CMC2: variants seen among roughly 807,000 people sequenced by gnomAD.
The protein encoded by CMC2 is C-X9-C motif containing 2.
A neutral mutation model predicts 7.5 loss-of-function variants in CMC2; 5 were observed. That is an observed-to-expected ratio of 0.66 (90% confidence interval 0.35 to 1.40). CMC2 has a LOEUF of 1.40. Ranked by LOEUF, CMC2 falls within the 40% of genes most tolerant of loss-of-function variation. CMC2 has a pLI of 0.04. For missense variants in CMC2, 115 were observed against 92.3 expected (o/e 1.25, Z -1.01); for synonymous variants, 37 against 31.4 (o/e 1.18, Z -0.60).
Position 80,981,798 on chromosome 16 carries a change from T to C in CMC2, c.153+8A>G. The C allele has an allele frequency of 4.4e-6, 7 of 1,585,788 alleles. No homozygotes were observed. The highest frequency in any genetic ancestry group is 6.1e-6 in the Non-Finnish European group (7 of 1,155,876). On this transcript the variant is annotated splice_region_variant and intron_variant, in intron 3 of 3. Coordinates refer to ENST00000219400, the MANE Select transcript of CMC2 (RefSeq NM_020188.5). ...TCAACCATATCCATCCTTTGACACT[T>C]TTCTTACCTCATTCTTCAGGCATTT...
chr16:80,994,708 G>T (rs1307611293), intron 2 of CMC2, among the ~76,000 whole-genome samples: 1 of 152,216 alleles, frequency 6.6e-6, no homozygotes, highest in African/African-American at 2.4e-5. Context: ...AGTGGTGATG[G>T]ACAGTGGTAG....
rs1290972940 is a variant in CMC2, at chr16:80,966,926, T to C, written c.*9167A>G. The C allele has an allele frequency of 6.6e-6, 1 of 152,234 alleles. No homozygotes were observed. The highest frequency in any genetic ancestry group is 1.5e-5 in the Non-Finnish European group (1 of 68,038). The allele number at this position is 152,234 out of a possible 1,614,324, so 9.4% of individuals were successfully genotyped here. ...AACTACTGTCCTATTCGTAGACATA[T>C]AGAGCCCGTCTTATTTTAATTACAT... On this transcript the variant is annotated 3_prime_UTR_variant, in exon 4 of 4. Transcript: ENST00000219400.
At chr16:80,984,898 G>A (rs1967404562) in intron 2 of CMC2, among the ~76,000 whole-genome samples, 1 of 152,172 alleles carries the variant, frequency 6.6e-6, no homozygotes, top group Non-Finnish European at 1.5e-5. Flanking sequence ...GTGCCCCAGA[G>A]AAATTGGTAG....
intron 2 of CMC2, among the ~76,000 whole-genome samples, chr16:80,987,197 TAAC>T (rs991085092): frequency 6.6e-6 from 1 of 152,120 alleles, no homozygotes; most frequent in Non-Finnish European, 1.5e-5. Context: ...AAAGGGACGC[TAAC>T]ACAAGATACC....
intron 3 of CMC2, among the ~76,000 whole-genome samples, chr16:80,979,548 G>A (rs1966952086): frequency 1.3e-5 from 2 of 151,820 alleles, no homozygotes; most frequent in Non-Finnish European, 2.9e-5. Flanking sequence ...AAAACAAATA[G>A]CCATACTGAA....
At chr16:80,984,918 C>G (rs541759002) in intron 2 of CMC2, among the ~76,000 whole-genome samples, 1 of 152,216 alleles carries the variant, frequency 6.6e-6, no homozygotes, top group South Asian at 2.1e-4. Context: ...GAAGAAATGC[C>G]CACAGGCTAC....
rs1912076044 is a variant in CMC2, at chr16:80,973,524, A to G, written c.*2569T>C. On this transcript the variant is annotated 3_prime_UTR_variant, in exon 4 of 4. Transcript: ENST00000219400. ...TGGTTTAACCATAACTATTCACCGA[A>G]TAACCAGAAAGATCTTTATAAAATA... The G allele has an allele frequency of 6.6e-6, 1 of 152,228 alleles. No homozygotes were observed. Among genetic ancestry groups the G allele is most frequent in the South Asian group, 2.1e-4 (1 of 4,834 alleles). 9.4% of individuals were successfully genotyped at this position (152,228 alleles called of 1,614,324 possible).
chr16:80,985,430 C>CT, intron 2 of CMC2, among the ~76,000 whole-genome samples: 1 of 152,132 alleles, frequency 6.6e-6, no homozygotes, highest in Non-Finnish European at 1.5e-5. Context: ...ATTCTTTTCG[C>CT]TTTTTTCTGG....
Position 80,975,479 on chromosome 16 carries a change from T to C in CMC2, c.*614A>G, listed in dbSNP as rs1186397832. On this transcript the variant is annotated 3_prime_UTR_variant, in exon 4 of 4. Coordinates refer to ENST00000219400, the MANE Select transcript of CMC2 (RefSeq NM_020188.5). The stretch of plus-strand genomic sequence containing the variant: ...AAATACAAAAACCAGCCAGGCATGG[T>C]AGCCTGCGCCTGTAGCCCCAGCTAC... 6.6e-6 allele frequency: 1 copy of C among 151,424 alleles called. No individual in the cohort carries two copies. Among genetic ancestry groups the C allele is most frequent in the East Asian group, 1.9e-4 (1 of 5,192 alleles). The allele number at this position is 151,424 out of a possible 1,614,324, so 9.4% of individuals were successfully genotyped here.
chr16:80,978,263 TG>T (rs1478614624), intron 3 of CMC2: 1 of 1,112,168 alleles, frequency 9.0e-7, no homozygotes, highest in Non-Finnish European at 1.1e-6. Context: ...TCTACTGGAT[TG>T]CCCCCAGCAA....
rs1567499674 is a variant in CMC2 at position 80,973,406 on chromosome 16, G to A, written c.*2687C>T. 1 of 152,138 alleles carries A rather than the reference G, an allele frequency of 6.6e-6. No homozygotes were observed. The highest frequency in any genetic ancestry group is 1.5e-5 in the Non-Finnish European group (1 of 68,034). 9.4% of individuals were successfully genotyped at this position (152,138 alleles called of 1,614,324 possible). A position where few individuals can be genotyped will look rare whatever the true frequency, so the allele number is the denominator to read the frequency against. On this transcript the variant is annotated 3_prime_UTR_variant, in exon 4 of 4. Coordinates refer to ENST00000219400, the MANE Select transcript of CMC2 (RefSeq NM_020188.5). ...CACTTGAGAGAAAAACAATATTGAG[G>A]GGGCCCTTACTTTGTGCCAGATAAT...
chr16:81,006,885 C>CCCCG, upstream of CMC2: 1 of 983,832 alleles, frequency 1.0e-6, no homozygotes, highest in African/African-American at 1.7e-5. Context: ...GCTCCCGGCT[C>CCCCG]CTCGCCCCCG....
In CMC2 at chr16:80,973,748, C is replaced by A. The variant is rs1303856026; in HGVS notation, c.*2345G>T. On this transcript the variant is annotated 3_prime_UTR_variant, in exon 4 of 4. Coordinates refer to ENST00000219400, the MANE Select transcript of CMC2 (RefSeq NM_020188.5). ...AGCATTTTATTTGTCAAACTCCCTT[C>A]CTAGAGGAAGCTGGAAAGGTAGATC... 2 of 152,204 alleles carry A rather than the reference C, an allele frequency of 1.3e-5. No homozygotes were observed. Among genetic ancestry groups the A allele is most frequent in the African/African-American group, 4.8e-5 (2 of 41,430 alleles). 9.4% of individuals were successfully genotyped at this position (152,204 alleles called of 1,614,324 possible).
intron 3 of CMC2, among the ~76,000 whole-genome samples, chr16:80,979,712 C>T (rs925652744): frequency 2.0e-5 from 3 of 152,076 alleles, no homozygotes; most frequent in Non-Finnish European, 2.9e-5. Flanking sequence ...CCTCCGTCTC[C>T]CAGGCTCAAG....
intron 2 of CMC2, chr16:80,988,443 T>A (rs1280980428): frequency 1.5e-6 from 1 of 653,294 alleles, no homozygotes; most frequent in Non-Finnish European, 2.7e-6. Context: ...TAAAAACATT[T>A]GTCAATTTCA....
chr16:80,999,502 C>A (rs1377429146), intron 1 of CMC2, among the ~76,000 whole-genome samples: 1 of 152,176 alleles, frequency 6.6e-6, no homozygotes, highest in African/African-American at 2.4e-5. Context: ...AAGCAATCTA[C>A]ATATTCAACA....
chr16:80,995,862 T>G (rs1267184547), intron 2 of CMC2, among the ~76,000 whole-genome samples: 1 of 152,178 alleles, frequency 6.6e-6, no homozygotes, highest in Non-Finnish European at 1.5e-5. Context: ...TATCTATATA[T>G]GACAAAACTC....
At chr16:80,985,263 A>C (rs1344752289) in intron 2 of CMC2, among the ~76,000 whole-genome samples, 1 of 152,176 alleles carries the variant, frequency 6.6e-6, no homozygotes, top group Admixed American at 6.5e-5. Context: ...ATACAAAAAC[A>C]TTTGTTTTGT....
intron 3 of CMC2, among the ~76,000 whole-genome samples, chr16:80,977,845 G>T (rs1488962913): frequency 6.6e-6 from 1 of 152,208 alleles, no homozygotes; most frequent in African/African-American, 2.4e-5. Flanking sequence ...GCTGAGGCGA[G>T]CAGATCACCT....
Sources: gnomAD v4.1 joint callset for allele counts (sites outside exome capture counted in the v4.1 genomes callset) on GRCh38, gnomAD v4.1.1 for gene constraint, MANE v1.5 for transcripts, NCBI Gene and HGNC (gene_info 2026-07-23, HGNC 2026-07-21) for gene names.